The following ABTB3 variants were observed in gnomAD, a reference collection of about 807,000 sequenced individuals.
ABTB3 encodes ankyrin repeat- and BTB/POZ domain-containing protein 3.
At chr12:107,508,477 A>G in the ABTB3 span, among the ~76,000 whole-genome samples, 30 of 62,686 alleles carry the variant, frequency 4.8e-4, no homozygotes, top group Non-Finnish European at 9.0e-4. Flanking sequence ...TTGGAGACAG[A>G]GTCTCGCCCT....
At chr12:107,397,952 T>C in the ABTB3 span, among the ~76,000 whole-genome samples, 1 of 152,220 alleles carries the variant, frequency 6.6e-6, no homozygotes, top group Non-Finnish European at 1.5e-5. Flanking sequence ...AGCTGTTTTT[T>C]TCTCTTCGCC....
At chr12:107,516,613 A>G in the ABTB3 span, among the ~76,000 whole-genome samples, 1 of 152,154 alleles carries the variant, frequency 6.6e-6, no homozygotes, top group Non-Finnish European at 1.5e-5. Context: ...CCTCTGTTAG[A>G]TGTGAAGGTG....
the ABTB3 span, among the ~76,000 whole-genome samples, chr12:107,341,439 G>T: frequency 1.3e-5 from 2 of 152,270 alleles, no homozygotes; most frequent in East Asian, 1.9e-4. Context: ...AGACTGAGGG[G>T]GGTAAGAAGA....
At chr12:107,413,439 C>A in the ABTB3 span, among the ~76,000 whole-genome samples, 1 of 152,158 alleles carries the variant, frequency 6.6e-6, no homozygotes, top group African/African-American at 2.4e-5. Context: ...TTCACGCTTA[C>A]TGTTGGATAT....
At chr12:107,384,098 C>T in the ABTB3 span, among the ~76,000 whole-genome samples, 5 of 152,318 alleles carry the variant, frequency 3.3e-5, no homozygotes, top group East Asian at 9.6e-4. Context: ...CAAGCGTGCT[C>T]CTTGCAAAAA....
the ABTB3 span, among the ~76,000 whole-genome samples, chr12:107,526,231 C>T: frequency 4.2e-4 from 64 of 152,236 alleles, no homozygotes; most frequent in South Asian, 0.012. Context: ...GAACCTATGC[C>T]GGTTCTAAAA....
chr12:107,637,182 G>A, the ABTB3 span, among the ~76,000 whole-genome samples: 6 of 152,318 alleles, frequency 3.9e-5, no homozygotes, highest in Admixed American at 3.3e-4. Flanking sequence ...TTTAAGGTCA[G>A]GAGTTCGAGA....
chr12:107,527,609 T>C, the ABTB3 span, among the ~76,000 whole-genome samples: 18,359 of 151,620 alleles, frequency 0.12, 1,249 homozygotes, highest in African/African-American at 0.18. Flanking sequence ...TCACTGAACC[T>C]CCAGTGCCTA....
the ABTB3 span, among the ~76,000 whole-genome samples, chr12:107,629,702 G>T: frequency 6.8e-6 from 1 of 147,784 alleles, no homozygotes; most frequent in South Asian, 2.2e-4. Flanking sequence ...TGAGACTGCA[G>T]CCTGTTATCC....
chr12:107,429,121 T>G, the ABTB3 span, among the ~76,000 whole-genome samples: 47 of 152,310 alleles, frequency 3.1e-4, no homozygotes, highest in African/African-American at 1.1e-3. Context: ...TTTCTCTGGC[T>G]TAACGCACAG....
chr12:107,504,514 T>G, the ABTB3 span, among the ~76,000 whole-genome samples: 1 of 152,254 alleles, frequency 6.6e-6, no homozygotes, highest in African/African-American at 2.4e-5. Flanking sequence ...GTCACCAGGC[T>G]GTTTAATTAA....
chr12:107,556,787 G>T, the ABTB3 span, among the ~76,000 whole-genome samples: 2 of 151,986 alleles, frequency 1.3e-5, no homozygotes, highest in African/African-American at 4.8e-5. Flanking sequence ...AAGGTGGGTG[G>T]ATCACCTGAG....
chr12:107,363,158 TGCGTTGGG>T, the ABTB3 span, among the ~76,000 whole-genome samples: 11 of 152,242 alleles, frequency 7.2e-5, no homozygotes, highest in Non-Finnish European at 1.5e-4. Context: ...TGCCCCTCAC[TGCGTTGGG>T]GCAGGCCTTC....
chr12:107,637,786 TTGTGTGTGTGTGTGTGTGTGTGTGTG>T, the ABTB3 span, among the ~76,000 whole-genome samples: 4 of 144,742 alleles, frequency 2.8e-5, no homozygotes, highest in East Asian at 6.3e-4. Context: ...AGCACTGATT[TTGTGTGTGTGTGTGTGTGTGTGTGTG>T]TGTGTGTGTG....
the ABTB3 span, among the ~76,000 whole-genome samples, chr12:107,396,001 C>G: frequency 6.6e-6 from 1 of 152,180 alleles, no homozygotes; most frequent in Non-Finnish European, 1.5e-5. Context: ...CCTGGCTGAG[C>G]CAAGTACACA....
the ABTB3 span, among the ~76,000 whole-genome samples, chr12:107,454,772 CCT>C: frequency 1.8e-4 from 28 of 152,128 alleles, no homozygotes; most frequent in African/African-American, 6.8e-4. Context: ...GCATTTCATT[CCT>C]CTCTTTTACT....
chr12:107,356,648 AC>A, the ABTB3 span, among the ~76,000 whole-genome samples: 19 of 152,084 alleles, frequency 1.2e-4, no homozygotes, highest in Admixed American at 3.9e-4. Flanking sequence ...AAAATGTTCC[AC>A]CCTGTGTGCC....
At chr12:107,535,416 C>T in the ABTB3 span, among the ~76,000 whole-genome samples, 3 of 151,972 alleles carry the variant, frequency 2.0e-5, no homozygotes, top group Non-Finnish European at 4.4e-5. Context: ...ACTGGAAGCC[C>T]TAACAAGCAA....
the ABTB3 span, among the ~76,000 whole-genome samples, chr12:107,427,065 A>G: frequency 6.6e-6 from 1 of 152,294 alleles, no homozygotes; most frequent in Non-Finnish European, 1.5e-5. Context: ...GTCTTCTCCT[A>G]TGGTCATGGA....
Sources: allele counts gnomAD v4.1 joint callset (sites outside exome capture counted in the v4.1 genomes callset), GRCh38; gene constraint gnomAD v4.1.1; transcripts MANE v1.5; gene names NCBI Gene and HGNC (gene_info 2026-07-23, HGNC 2026-07-21).